RARB: variants seen among roughly 807,000 people sequenced by gnomAD.
The protein encoded by RARB is HBV-activated protein.
Under a neutral mutation model 51.9 loss-of-function variants are expected in RARB, and 17 were observed. The observed-to-expected ratio is 0.33, with a 90% CI of 0.22 to 0.49. The LOEUF (loss-of-function observed/expected upper bound fraction) is 0.49. RARB is among the 20% of genes least tolerant of loss of function. RARB has a pLI of 0.99. For synonymous variants in RARB, 215 were observed against 195.4 expected (o/e 1.10, Z -0.84); for missense variants, 369 against 550.8 (o/e 0.67, Z 3.30).
At chr3:25,328,704 A>G (rs987594770) in intron 5 of RARB, among the ~76,000 whole-genome samples, 1 of 152,148 alleles carries the variant, frequency 6.6e-6, no homozygotes, top group South Asian at 2.1e-4. Flanking sequence ...CCCATGGAAC[A>G]TGAGCCAAAG....
Position 25,372,694 on chromosome 3 carries a change from C to T in RARB, c.179-88499C>T, listed in dbSNP as rs1007763697. On this transcript the variant is annotated intron_variant, in intron 5 of 11. Transcript: ENST00000383772. ...CAAACAAATTAGTCAGGCATGGTGG[C>T]GCATGCCTGTAGTTCCAGCTACTTG... is the stretch of plus-strand genomic sequence containing the variant. Among the ~76,000 whole-genome samples the T allele has an allele frequency of 7.9e-5, 12 of 152,174 alleles. No homozygotes were observed. The South Asian group carries it at 1.0e-3, about 13-fold the overall frequency.
At chr3:25,498,260 C>G (rs943779280) in intron 2 of RARB, among the ~76,000 whole-genome samples, 21 of 152,148 alleles carry the variant, frequency 1.4e-4, no homozygotes, top group Admixed American at 7.2e-4. Flanking sequence ...AGGATAACTG[C>G]CCCCACCCCC....
At chr3:24,911,817 G>A (rs1694994554) in intron 2 of RARB, among the ~76,000 whole-genome samples, 1 of 152,148 alleles carries the variant, frequency 6.6e-6, no homozygotes, top group Admixed American at 6.5e-5. Context: ...GGATTAAAAT[G>A]TGTATTTGTG....
chr3:24,962,789 C>A (rs1235576234), intron 2 of RARB, among the ~76,000 whole-genome samples: 3 of 152,180 alleles, frequency 2.0e-5, no homozygotes, highest in Non-Finnish European at 2.9e-5. Context: ...GGGGTTGCTA[C>A]ACTAAATGAT....
At position 25,069,989 on chromosome 3, in the gene RARB, C is replaced by A. The variant is rs6791615; in HGVS notation, c.-328+9813C>A. On this transcript the variant is annotated intron_variant, in intron 3 of 11. Transcript: ENST00000383772. ...AACAGAAATTTGTTGCTGGACAGTT[C>A]TGGAGGCTTAGAAGTCTGGAATCAA... Among the ~76,000 whole-genome samples, 273 of 152,202 alleles carry A rather than the reference C, an allele frequency of 1.8e-3. 2 individuals carry two copies. The highest frequency in any genetic ancestry group is 6.3e-3 in the African/African-American group (261 of 41,536).
At chr3:25,237,771 C>T (rs1264676449) in intron 5 of RARB, among the ~76,000 whole-genome samples, 1 of 152,166 alleles carries the variant, frequency 6.6e-6, no homozygotes, top group Non-Finnish European at 1.5e-5. Flanking sequence ...AAATGCTACT[C>T]TAGTCTACTC....
chr3:25,329,190 C>T (rs566471512), intron 5 of RARB, among the ~76,000 whole-genome samples: 99 of 152,300 alleles, frequency 6.5e-4, no homozygotes, highest in African/African-American at 2.1e-3. Flanking sequence ...TCTCCCAGCA[C>T]GGAGTTTGAG....
intron 5 of RARB, among the ~76,000 whole-genome samples, chr3:25,421,418 T>C (rs1267272109): frequency 1.4e-5 from 2 of 139,566 alleles, no homozygotes; most frequent in Non-Finnish European, 3.1e-5. Flanking sequence ...TTTTTTTTTT[T>C]TTTTTTTTTT....
At chr3:25,518,261 T>C (rs1259239133) in intron 3 of RARB, among the ~76,000 whole-genome samples, 1 of 152,074 alleles carries the variant, frequency 6.6e-6, no homozygotes, top group South Asian at 2.1e-4. Flanking sequence ...AGGGCTCTTA[T>C]TTGGTAAAAA....
At chr3:25,284,912 A>G (rs1703612801) in intron 5 of RARB, among the ~76,000 whole-genome samples, 2 of 152,206 alleles carry the variant, frequency 1.3e-5, no homozygotes, top group African/African-American at 4.8e-5. Context: ...GGTATATGTG[A>G]GAGTCCTGGA....
chr3:25,227,194 A>G (rs1702073958), intron 5 of RARB, among the ~76,000 whole-genome samples: 1 of 152,256 alleles, frequency 6.6e-6, no homozygotes, highest in Non-Finnish European at 1.5e-5. Context: ...ACGATATTGA[A>G]AAATGAAAAG....
At chr3:25,558,425 C>T (rs150879129) in intron 3 of RARB, among the ~76,000 whole-genome samples, 9 of 152,156 alleles carry the variant, frequency 5.9e-5, no homozygotes, top group African/African-American at 1.7e-4. Context: ...TTGGTTTCTG[C>T]GGTTTTTTAT....
chr3:25,071,008 C>A (rs1349301853), intron 3 of RARB, among the ~76,000 whole-genome samples: 1 of 152,212 alleles, frequency 6.6e-6, no homozygotes, highest in East Asian at 1.9e-4. Flanking sequence ...CAGACTAGAT[C>A]TACCATGCTT....
chr3:25,130,745 T>C (rs2125332781), intron 3 of RARB, among the ~76,000 whole-genome samples: 1 of 152,014 alleles, frequency 6.6e-6, no homozygotes, highest in South Asian at 2.1e-4. Flanking sequence ...GCCAAAACAC[T>C]GTCTCACTCA....
At chr3:24,890,934 C>G (rs958706662) in intron 2 of RARB, among the ~76,000 whole-genome samples, 4 of 152,084 alleles carry the variant, frequency 2.6e-5, no homozygotes, top group Non-Finnish European at 5.9e-5. Flanking sequence ...CTTTCTTCTC[C>G]TGCAAAATGG....
At chr3:25,370,509 C>G (rs989652138) in intron 5 of RARB, among the ~76,000 whole-genome samples, 3 of 152,120 alleles carry the variant, frequency 2.0e-5, no homozygotes, top group African/African-American at 7.2e-5. Flanking sequence ...GTTGGAGGAA[C>G]AGGGCAGGTG....
At chr3:25,202,994 A>C (rs1009316910) in intron 5 of RARB, among the ~76,000 whole-genome samples, 1 of 152,090 alleles carries the variant, frequency 6.6e-6, no homozygotes, top group South Asian at 2.1e-4. Flanking sequence ...TATCCTTGTT[A>C]ACTTTCTGTC....
intron 2 of RARB, among the ~76,000 whole-genome samples, chr3:24,945,059 T>C (rs889417722): frequency 1.3e-5 from 2 of 152,208 alleles, no homozygotes; most frequent in South Asian, 2.1e-4. Context: ...GACCTAGTTT[T>C]TGGGAAACAG....
chr3:25,185,684 A>C (rs551786314), intron 5 of RARB, among the ~76,000 whole-genome samples: 1 of 152,108 alleles, frequency 6.6e-6, no homozygotes, highest in African/African-American at 2.4e-5. Context: ...GTGAGTCCTG[A>C]TGGAAATCTC....
Sources: allele counts gnomAD v4.1 joint callset (sites outside exome capture counted in the v4.1 genomes callset), GRCh38; gene constraint gnomAD v4.1.1; transcripts MANE v1.5; gene names NCBI Gene and HGNC (gene_info 2026-07-23, HGNC 2026-07-21).